The following NEK10 variants were observed in gnomAD, a reference collection of about 807,000 sequenced individuals.
NEK10 encodes the protein NIMA related kinase 10.
NEK10 carries 122 observed loss-of-function variants against 159.8 expected under a neutral mutation model. That is an observed-to-expected ratio of 0.76 (90% CI 0.66 to 0.89). NEK10 has a LOEUF of 0.89. Ranked by LOEUF, NEK10 falls within the 40% of genes least tolerant of loss-of-function variation. The pLI, the probability that NEK10 is intolerant of heterozygous loss-of-function variation, is 0.00. For synonymous variants in NEK10, 466 were observed against 457.1 expected (o/e 1.02, Z -0.25); for missense variants, 1,342 against 1,323.1 (o/e 1.01, Z -0.22).
At position 27,135,935 on chromosome 3, in the gene NEK10, A is replaced by G. The variant is rs139060752; in HGVS notation, c.2971-3945T>C. ...AGTCTTATCCATCACTACTGCTGAA[A>G]AAACACAGAACGTTTCACCAATGAC... On this transcript the variant is annotated intron_variant, in intron 31 of 35. Coordinates refer to ENST00000691995, the MANE Select transcript of NEK10 (RefSeq NM_001394966.1). Among the ~76,000 whole-genome samples the G allele has an allele frequency of 3.8e-3, 582 of 152,252 alleles. 4 individuals carry two copies. Among genetic ancestry groups the G allele is most frequent in the African/African-American group, 0.013 (555 of 41,552 alleles).
intron 31 of NEK10, among the ~76,000 whole-genome samples, chr3:27,135,489 T>C (rs976779740): frequency 1.3e-5 from 2 of 152,218 alleles, no homozygotes; most frequent in Non-Finnish European, 2.9e-5. Flanking sequence ...TTCTCAAACT[T>C]GCATAATATT....
chr3:27,323,879 G>A (rs2045826085), intron 5 of NEK10, among the ~76,000 whole-genome samples: 1 of 152,128 alleles, frequency 6.6e-6, no homozygotes, highest in Non-Finnish European at 1.5e-5. Flanking sequence ...AAATTCAGAG[G>A]TGGTCACAAG....
At chr3:27,327,717 AT>A (rs1284231546) in intron 5 of NEK10, among the ~76,000 whole-genome samples, 2 of 152,184 alleles carry the variant, frequency 1.3e-5, no homozygotes, top group Non-Finnish European at 2.9e-5. Context: ...TGTTGACTGT[AT>A]TTGTAGCACA....
intron 25 of NEK10, 61 bp downstream of exon 25, chr3:27,201,449 A>G: frequency 4.4e-6 from 6 of 1,351,576 alleles, no homozygotes; most frequent in Non-Finnish European, 6.3e-6. Context: ...ATAGTGATTT[A>G]TTATAGAAAT....
At chr3:27,140,998 AT>A (rs1361894222) in intron 31 of NEK10, among the ~76,000 whole-genome samples, 1 of 152,116 alleles carries the variant, frequency 6.6e-6, no homozygotes, top group Non-Finnish European at 1.5e-5. Context: ...TTTAGCACTG[AT>A]TATTTTCTCA....
At chr3:27,182,536 A>C (rs921688313) in intron 26 of NEK10, among the ~76,000 whole-genome samples, 2 of 152,090 alleles carry the variant, frequency 1.3e-5, no homozygotes, top group Non-Finnish European at 2.9e-5. Flanking sequence ...AATAGTATGG[A>C]GTTTCCTTTA....
chr3:27,168,969 T>G (rs1470217734), intron 29 of NEK10, among the ~76,000 whole-genome samples: 3 of 152,218 alleles, frequency 2.0e-5, no homozygotes, highest in Admixed American at 6.5e-5. Context: ...AATGACTAGC[T>G]TTTTAAAAGC....
intron 29 of NEK10, among the ~76,000 whole-genome samples, chr3:27,163,421 A>C (rs1350393873): frequency 6.6e-6 from 1 of 151,460 alleles, no homozygotes; most frequent in Non-Finnish European, 1.5e-5. Flanking sequence ...ACGCGATCTC[A>C]GCTCACTGAA....
chr3:27,210,674 T>C (rs1950931303), intron 23 of NEK10, among the ~76,000 whole-genome samples: 1 of 152,228 alleles, frequency 6.6e-6, no homozygotes, highest in Non-Finnish European at 1.5e-5. Context: ...TTTCATATTG[T>C]TCTTATGTAC....
At chr3:27,286,526 C>A (rs1051953214) in intron 20 of NEK10, among the ~76,000 whole-genome samples, 3 of 144,410 alleles carry the variant, frequency 2.1e-5, no homozygotes, top group Non-Finnish European at 3.0e-5. Context: ...GGATTACAGG[C>A]GCCTGCCACC....
intron 8 of NEK10, chr3:27,311,509 G>GAT (rs1250813284): frequency 6.3e-6 from 1 of 158,160 alleles, no homozygotes; most frequent in Admixed American, 6.4e-5. Flanking sequence ...TCCACAAGCA[G>GAT]ATATGAAGAG....
chr3:27,243,992 C>T (rs1208908566), intron 23 of NEK10, among the ~76,000 whole-genome samples: 3 of 152,142 alleles, frequency 2.0e-5, no homozygotes, highest in African/African-American at 7.2e-5. Context: ...ACACATCTCT[C>T]CTTCCCTTTT....
intron 4 of NEK10, among the ~76,000 whole-genome samples, chr3:27,344,709 A>G (rs2047433665): frequency 6.6e-6 from 1 of 152,220 alleles, no homozygotes; most frequent in African/African-American, 2.4e-5. Context: ...ATGGAGAGAA[A>G]GAATGATTGG....
intron 30 of NEK10, among the ~76,000 whole-genome samples, chr3:27,148,339 C>T (rs1198224516): frequency 3.9e-5 from 6 of 152,106 alleles, no homozygotes. Context: ...CTCTGAGATC[C>T]TTAAAAAAAC....
At chr3:27,213,215 T>G (rs1209953493) in intron 23 of NEK10, among the ~76,000 whole-genome samples, 8 of 152,208 alleles carry the variant, frequency 5.3e-5, no homozygotes, top group Admixed American at 5.2e-4. Context: ...CTTTGTGCGT[T>G]CTGTCCAATT....
intron 1 of NEK10, among the ~76,000 whole-genome samples, chr3:27,358,343 G>C (rs980090928): frequency 1.3e-5 from 2 of 152,204 alleles, no homozygotes; most frequent in Non-Finnish European, 2.9e-5. Context: ...TGGGAGAGAA[G>C]AGACTTTTCC....
In NEK10 at chr3:27,328,917, G is replaced by C. The variant is rs187516048; in HGVS notation, c.363-6656C>G. On this transcript the variant is annotated intron_variant, in intron 5 of 35. Transcript: ENST00000691995. Reference sequence around the variant, plus strand: ...GTACTGTTTTAAACATGTTAACTTTGAGATGCTTAAAGAAGGAAGAGCCCA... The same window carrying C: ...GTACTGTTTTAAACATGTTAACTTTCAGATGCTTAAAGAAGGAAGAGCCCA... Among the ~76,000 whole-genome samples, 4 of 152,276 alleles carry C rather than the reference G, an allele frequency of 2.6e-5. No individual in the cohort carries two copies. In the East Asian group the frequency reaches 7.7e-4, roughly 29 times the overall value.
At chr3:27,250,362 A>G (rs1431064573) in intron 23 of NEK10, among the ~76,000 whole-genome samples, 1 of 151,716 alleles carries the variant, frequency 6.6e-6, no homozygotes, top group African/African-American at 2.4e-5. Flanking sequence ...AATTTTTTGT[A>G]TTTTTAGTAG....
At position 27,301,940 on chromosome 3, in the gene NEK10, G is replaced by T. The variant is rs2043857753; in HGVS notation, c.1029-105C>A. The T allele has an allele frequency of 3.6e-6, 3 of 831,946 alleles. No homozygotes were observed. The African/African-American group carries it at 5.1e-5, about 14-fold the overall frequency. The allele number at this position is 831,946 out of a possible 1,614,324, so 51.5% of individuals were successfully genotyped here. On this transcript the variant is annotated intron_variant, in intron 12 of 35. Transcript: ENST00000691995. ...TCTTTGCCTCCCTCAGGTCATGAAG[G>T]CATCATTATTGTTTCACTTTCCAAT...
Sources: allele counts gnomAD v4.1 joint callset (sites outside exome capture counted in the v4.1 genomes callset), GRCh38; gene constraint gnomAD v4.1.1; transcripts MANE v1.5; gene names NCBI Gene and HGNC (gene_info 2026-07-23, HGNC 2026-07-21).